The following CAMK1D variants were observed in gnomAD, a reference collection of about 807,000 sequenced individuals.
CAMK1D encodes the protein calcium/calmodulin-dependent protein kinase type 1D.
CAMK1D carries 9 observed loss-of-function variants against 47.7 expected under a neutral mutation model. That is an observed-to-expected ratio of 0.19 (90% CI 0.11 to 0.33). CAMK1D has a LOEUF of 0.33. Among genes scored for constraint, CAMK1D ranks in the 10% least tolerant of loss-of-function variants. The pLI, the probability that CAMK1D is intolerant of heterozygous loss-of-function variation, is 1.00. For missense variants in CAMK1D, 291 were observed against 488.7 expected, an observed-to-expected ratio of 0.60 and a Z score of 3.81; for synonymous variants, 184 against 184.9, an observed-to-expected ratio of 0.99 and a Z score of 0.04.
At chr10:12,612,141 A>G (rs1172497005) in intron 2 of CAMK1D, among the ~76,000 whole-genome samples, 1 of 152,124 alleles carries the variant, frequency 6.6e-6, no homozygotes, top group African/African-American at 2.4e-5. Context: ...ACCTTAAGGG[A>G]AAGCTGCTGT....
At chr10:12,734,322 CA>C (rs1201573872) in intron 3 of CAMK1D, among the ~76,000 whole-genome samples, 34 of 23,572 alleles carry the variant, frequency 1.4e-3, no homozygotes, top group African/African-American at 4.5e-3. Context: ...GACTCCATCT[CA>C]AAAAAAAAAA....
In CAMK1D at chr10:12,769,807, C is replaced by G. The variant is rs766649911; in HGVS notation, c.565+8C>G. On this transcript the variant is annotated splice_region_variant and intron_variant, in intron 5 of 10. Coordinates refer to ENST00000619168, the MANE Select transcript of CAMK1D (RefSeq NM_153498.4). ...GAACTCCAGGCTATGTCGGTAAGGACAGTGCATGTGCACACATGTGCCCGT... is the reference window on the plus strand; with the variant it reads ...GAACTCCAGGCTATGTCGGTAAGGAGAGTGCATGTGCACACATGTGCCCGT... 1 of 1,613,926 alleles carries G rather than the reference C, an allele frequency of 6.2e-7. No homozygotes were observed. The highest frequency in any genetic ancestry group is 1.1e-5 in the South Asian group (1 of 91,070).
intron 3 of CAMK1D, among the ~76,000 whole-genome samples, chr10:12,707,606 T>C (rs1478073253): frequency 6.6e-6 from 1 of 152,180 alleles, no homozygotes; most frequent in Non-Finnish European, 1.5e-5. Context: ...AATAGAGAGC[T>C]AGGGAAGGGA....
In CAMK1D at chr10:12,377,013, G is replaced by A. The variant is rs537957366; in HGVS notation, c.92+27103G>A. Among the ~76,000 whole-genome samples, 342 of 151,942 alleles carry A rather than the reference G, an allele frequency of 2.3e-3. 4 individuals carry two copies. The highest frequency in any genetic ancestry group is 3.4e-3 in the Middle Eastern group (1 of 294). On this transcript the variant is annotated intron_variant, in intron 1 of 10. Coordinates refer to ENST00000619168, the MANE Select transcript of CAMK1D (RefSeq NM_153498.4). ...TGACCTCAAGTGATCCTCCTGCCTC[G>A]GCCTCCCAAAGTGCTGGGATTACAG... is the stretch of plus-strand genomic sequence containing the variant.
At chr10:12,536,805 G>A (rs1835986710) in intron 1 of CAMK1D, among the ~76,000 whole-genome samples, 1 of 152,124 alleles carries the variant, frequency 6.6e-6, no homozygotes, top group Non-Finnish European at 1.5e-5. Context: ...TTGTAATTAT[G>A]TTTTCCAGGT....
intron 2 of CAMK1D, among the ~76,000 whole-genome samples, chr10:12,644,216 A>G (rs556118729): frequency 7.9e-5 from 12 of 152,228 alleles, no homozygotes; most frequent in East Asian, 7.7e-4. Context: ...TTCCCGCCCT[A>G]TGGTCCCTCT....
chr10:12,594,519 G>A (rs980146102), intron 2 of CAMK1D, among the ~76,000 whole-genome samples: 1 of 152,190 alleles, frequency 6.6e-6, no homozygotes, highest in African/African-American at 2.4e-5. Context: ...ACAGCCAAGA[G>A]TCAGACAGAA....
At chr10:12,728,842 C>T (rs114793310) in intron 3 of CAMK1D, among the ~76,000 whole-genome samples, 2,805 of 152,288 alleles carry the variant, frequency 0.018, 96 homozygotes, top group African/African-American at 0.064. Context: ...CGCACGCACA[C>T]GTGCCTCTGC....
intron 1 of CAMK1D, among the ~76,000 whole-genome samples, chr10:12,534,584 C>T (rs1427889659): frequency 6.6e-6 from 1 of 152,208 alleles, no homozygotes; most frequent in Non-Finnish European, 1.5e-5. Context: ...CCAGACTGGT[C>T]TCGAACTCTT....
intron 1 of CAMK1D, among the ~76,000 whole-genome samples, chr10:12,428,322 T>C (rs1326371729): frequency 6.6e-6 from 1 of 152,144 alleles, no homozygotes; most frequent in Non-Finnish European, 1.5e-5. Flanking sequence ...CCCTCTTACC[T>C]GGGCTTTTTG....
chr10:12,683,741 GGTGTGTGTGTGTGTGTGTGT>G lies in CAMK1D; in HGVS notation c.299+16954_299+16973del, dbSNP rs10554443. 4.8e-5 allele frequency among the ~76,000 whole-genome samples: 7 copies of G among 144,980 alleles called. No individual in the cohort carries two copies. The South Asian group carries it at 1.3e-3, about 28-fold the overall frequency. On this transcript the variant is annotated intron_variant, in intron 3 of 10. Coordinates refer to ENST00000619168, the MANE Select transcript of CAMK1D (RefSeq NM_153498.4). ...TGAAGTAAATGAATTTAGGAATCCA[GGTGTGTGTGTGTGTGTGTGT>G]GTGTGTGTGTGTGTGTGTGTGTAAC...
At chr10:12,567,437 G>A (rs745985404) in intron 2 of CAMK1D, among the ~76,000 whole-genome samples, 1 of 152,202 alleles carries the variant, frequency 6.6e-6, no homozygotes, top group South Asian at 2.1e-4. Context: ...TGGGGCAGCC[G>A]ATGAGCTGAA....
rs1187392323 is a variant in CAMK1D, at chr10:12,833,536, G to A, written c.*4649G>A. The A allele has an allele frequency of 2.0e-5, 3 of 152,272 alleles. No homozygotes were observed. Among genetic ancestry groups the A allele is most frequent in the Non-Finnish European group, 2.9e-5 (2 of 68,064 alleles). The allele number at this position is 152,272 out of a possible 1,614,324, so 9.4% of individuals were successfully genotyped here. A position where few individuals can be genotyped will look rare whatever the true frequency, so the allele number is the denominator to read the frequency against. On this transcript the variant is annotated 3_prime_UTR_variant, in exon 11 of 11. Coordinates refer to ENST00000619168, the MANE Select transcript of CAMK1D (RefSeq NM_153498.4). Reference sequence around the variant, plus strand: ...ACCTTGGCCAGAATTGAGTCTTCGCGTTGGGGAGGCCACGCTGGAACCATT... The same window carrying A: ...ACCTTGGCCAGAATTGAGTCTTCGCATTGGGGAGGCCACGCTGGAACCATT...
chr10:12,522,153 C>T (rs1835435888), intron 1 of CAMK1D, among the ~76,000 whole-genome samples: 1 of 149,702 alleles, frequency 6.7e-6, no homozygotes, highest in African/African-American at 2.5e-5. Flanking sequence ...CCTGTCTTCA[C>T]CCTTTCCTGC....
At chr10:12,568,914 A>G (rs1465124604) in intron 2 of CAMK1D, among the ~76,000 whole-genome samples, 8 of 152,358 alleles carry the variant, frequency 5.3e-5, no homozygotes, top group Admixed American at 3.3e-4. Context: ...TATTCAGTTA[A>G]TACAACTTTT....
At chr10:12,502,407 G>A (rs1834732495) in intron 1 of CAMK1D, among the ~76,000 whole-genome samples, 1 of 152,122 alleles carries the variant, frequency 6.6e-6, no homozygotes, top group Non-Finnish European at 1.5e-5. Context: ...CAGGTGTAGG[G>A]CGATGAGGCG....
chr10:12,358,644 T>C (rs2131837540), intron 1 of CAMK1D, among the ~76,000 whole-genome samples: 1 of 152,330 alleles, frequency 6.6e-6, no homozygotes, highest in African/African-American at 2.4e-5. Flanking sequence ...GGAGGCAACG[T>C]AACATAACAG....
intron 3 of CAMK1D, among the ~76,000 whole-genome samples, chr10:12,732,679 G>GC (rs1014868028): frequency 3.3e-5 from 2 of 60,108 alleles, no homozygotes; most frequent in Non-Finnish European, 7.0e-5. Context: ...CGCCCCCCCC[G>GC]CCCCCTGTCC....
intron 1 of CAMK1D, among the ~76,000 whole-genome samples, chr10:12,505,666 A>C (rs1219340356): frequency 2.0e-5 from 3 of 152,190 alleles, no homozygotes; most frequent in Admixed American, 1.3e-4. Flanking sequence ...ATTGAAAGCA[A>C]ATGGTCCAGC....
Sources: gnomAD v4.1 joint callset for allele counts (sites outside exome capture counted in the v4.1 genomes callset) on GRCh38, gnomAD v4.1.1 for gene constraint, MANE v1.5 for transcripts, NCBI Gene and HGNC (gene_info 2026-07-23, HGNC 2026-07-21) for gene names.